Variants in IDE observed in about 807,000 individuals in gnomAD.
IDE encodes the protein insulin-degrading enzyme.
In IDE, 58 loss-of-function variants were observed where a neutral mutation model predicts 133.2. That is an observed-to-expected ratio of 0.44 (90% CI 0.35 to 0.54). The LOEUF (loss-of-function observed/expected upper bound fraction) is 0.54. Ranked by LOEUF, IDE falls within the 20% of genes least tolerant of loss-of-function variation. The pLI is 0.00. For missense variants in IDE, 981 were observed against 1,234.0 expected (o/e 0.79, Z 3.07); for synonymous variants, 396 against 421.3 (o/e 0.94, Z 0.73).
intron 1 of IDE, chr10:92,573,193 G>A (rs1843872601): frequency 1.0e-6 from 1 of 985,340 alleles, no homozygotes; most frequent in Non-Finnish European, 1.2e-6. Context: ...CAGTGGAGAG[G>A]GCACGCCGCC....
chr10:92,538,932 A>G (rs1198213689), intron 1 of IDE, among the ~76,000 whole-genome samples: 1 of 152,216 alleles, frequency 6.6e-6, no homozygotes, highest in Non-Finnish European at 1.5e-5. Flanking sequence ...AACTAAACAG[A>G]TCTGACTGTT....
At position 92,451,752 on chromosome 10, in the gene IDE, T is replaced by C. The variant is rs1030561610; in HGVS notation, c.*2692A>G. 3 of 152,220 alleles carry C rather than the reference T, an allele frequency of 2.0e-5. No homozygotes were observed. The highest frequency in any genetic ancestry group is 6.5e-5 in the Admixed American group (1 of 15,270). The allele number at this position is 152,220 out of a possible 1,614,324, so 9.4% of individuals were successfully genotyped here. A position where few individuals can be genotyped will look rare whatever the true frequency, so the allele number is the denominator to read the frequency against. On this transcript the variant is annotated 3_prime_UTR_variant, in exon 25 of 25. Coordinates refer to ENST00000265986, the MANE Select transcript of IDE (RefSeq NM_004969.4). ...AGGAACAAGCAGATTCCTCTTGAAA[T>C]GCCTGCCTGAGCCAACTGGCCACTA...
At chr10:92,489,678 T>C (rs955498386) in intron 12 of IDE, among the ~76,000 whole-genome samples, 1 of 152,210 alleles carries the variant, frequency 6.6e-6, no homozygotes, top group African/African-American at 2.4e-5. Flanking sequence ...ATGGACATTT[T>C]CACACACTGG....
chr10:92,554,355 A>T (rs1265670819), intron 1 of IDE, among the ~76,000 whole-genome samples: 1 of 151,974 alleles, frequency 6.6e-6, no homozygotes, highest in Non-Finnish European at 1.5e-5. Flanking sequence ...AGAGCTCAAG[A>T]CTAGCCTGGG....
chr10:92,471,326 A>G (rs1026794737), intron 17 of IDE, among the ~76,000 whole-genome samples: 1 of 152,220 alleles, frequency 6.6e-6, no homozygotes, highest in African/African-American at 2.4e-5. Context: ...AAGGAGAAAC[A>G]TGGGAATGCA....
chr10:92,534,481 T>C (rs936142621), intron 3 of IDE, 97 bp downstream of exon 3: 18 of 763,758 alleles, frequency 2.4e-5, no homozygotes, highest in Middle Eastern at 3.6e-4. Flanking sequence ...AAATACCTTT[T>C]GTTAAATTAT....
rs1326024872 is a variant in IDE at position 92,524,405 on chromosome 10, ATATATAT to A, written c.661+7336_661+7342del. On this transcript the variant is annotated intron_variant, in intron 4 of 24. Coordinates refer to ENST00000265986, the MANE Select transcript of IDE (RefSeq NM_004969.4). ...TATAATATATTTTATATAATATATA[ATATATAT>A]TATATTATATATAATATATTTTATA... is the stretch of plus-strand genomic sequence containing the variant. Among the ~76,000 whole-genome samples the A allele has an allele frequency of 5.1e-4, 45 of 88,284 alleles. 4 individuals are homozygous for A. Among genetic ancestry groups the A allele is most frequent in the Admixed American group, 1.2e-3 (6 of 4,824 alleles). 57.9% of individuals were successfully genotyped at this position (88,284 alleles called of 152,430 possible). A position where few individuals can be genotyped will look rare whatever the true frequency, so the allele number is the denominator to read the frequency against.
At chr10:92,536,840 C>T (rs1842034249) in intron 2 of IDE, among the ~76,000 whole-genome samples, 1 of 151,990 alleles carries the variant, frequency 6.6e-6, no homozygotes, top group South Asian at 2.1e-4. Flanking sequence ...GAGATCGAGA[C>T]CATCCTGGCC....
Position 92,534,747 on chromosome 10 carries a change from G to T in IDE, c.322C>A (p.His108Asn). Residue 108 changes from histidine to asparagine, a missense_variant, in exon 3 of 25, where the codon CAT becomes AAT. Physicochemically the swap from His to Asn is moderately conservative, Grantham distance 68. Around this residue, in one of 2 missense-constraint regions of IDE, gnomAD observed 321 missense variants for 339.3 expected, o/e 0.95. Transcript: ENST00000265986. The stretch of plus-strand genomic sequence containing the variant: ...AAAAAAAGCATATGTTCACAAAAAT[G>T]ACTTAAGCCAGCAATATTTGGAGGA... ...SDPPNIAGLS[H>N]FCEHMLFLGT... The T allele has an allele frequency of 6.2e-7, 1 of 1,613,708 alleles. No homozygotes were observed. The highest frequency in any genetic ancestry group is 1.1e-5 in the South Asian group (1 of 91,050).
chr10:92,538,235 T>C (rs1183037991), intron 1 of IDE, among the ~76,000 whole-genome samples: 3 of 152,174 alleles, frequency 2.0e-5, no homozygotes, highest in Non-Finnish European at 4.4e-5. Context: ...TGAGGTGAGA[T>C]GTTGTGTAAG....
At chr10:92,470,224 C>A in intron 18 of IDE, 30 bp downstream of exon 18, 1 of 1,449,314 alleles carries the variant, frequency 6.9e-7, no homozygotes, top group Non-Finnish European at 9.6e-7. Context: ...CAATGATCCA[C>A]AAAAGATTGC....
rs916130748 is a variant in IDE, at chr10:92,465,258, T to C, written c.2488+418A>G. On this transcript the variant is annotated intron_variant, in intron 20 of 24. Coordinates refer to ENST00000265986, the MANE Select transcript of IDE (RefSeq NM_004969.4). ...CAAGACTTTTAACAGTATCTAAAAC[T>C]GGGAACACTTGCTGTGCCTTCTGTA... Among the ~76,000 whole-genome samples the C allele has an allele frequency of 2.0e-5, 3 of 152,308 alleles. No homozygotes were observed. The East Asian group carries it at 5.8e-4, about 29-fold the overall frequency.
In IDE at chr10:92,531,734, A is replaced by G; in HGVS notation, c.661+14T>C. On this transcript the variant is annotated intron_variant, in intron 4 of 24. Transcript: ENST00000265986. ...GGGTTTAAATGAGGTCAAGGAAAGCAGCTGTTGACAAACCTGTCCCAAATT... is the reference window on the plus strand; with the variant it reads ...GGGTTTAAATGAGGTCAAGGAAAGCGGCTGTTGACAAACCTGTCCCAAATT... 1.9e-6 allele frequency: 3 copies of G among 1,546,240 alleles called. No individual in the cohort carries two copies. The highest frequency in any genetic ancestry group is 2.6e-6 in the Non-Finnish European group (3 of 1,139,632).
At chr10:92,549,566 T>C (rs1437340692) in intron 1 of IDE, among the ~76,000 whole-genome samples, 1 of 152,096 alleles carries the variant, frequency 6.6e-6, no homozygotes, top group African/African-American at 2.4e-5. Context: ...TACAGGAACC[T>C]TGTCCTAGAG....
At chr10:92,519,493 C>T (rs927228110) in intron 4 of IDE, among the ~76,000 whole-genome samples, 5 of 152,212 alleles carry the variant, frequency 3.3e-5, no homozygotes, top group South Asian at 2.1e-4. Flanking sequence ...TTCCACTCTA[C>T]GCCTGCTAGG....
chr10:92,526,720 C>A (rs1211734830), intron 4 of IDE, among the ~76,000 whole-genome samples: 1 of 151,708 alleles, frequency 6.6e-6, no homozygotes, highest in Non-Finnish European at 1.5e-5. Flanking sequence ...GTAGTGTGTG[C>A]GTGTAGTCTC....
At chr10:92,548,389 GAGTC>G (rs1257320904) in intron 1 of IDE, among the ~76,000 whole-genome samples, 3 of 81,734 alleles carry the variant, frequency 3.7e-5, no homozygotes, top group East Asian at 3.7e-4. Context: ...AAAAAAAAAA[GAGTC>G]AGATGAAATG....
chr10:92,523,022 C>T (rs1023966522), intron 4 of IDE, among the ~76,000 whole-genome samples: 5 of 152,076 alleles, frequency 3.3e-5, no homozygotes, highest in African/African-American at 4.8e-5. Context: ...TTTGCATTTT[C>T]TAATGCACTT....
intron 14 of IDE, among the ~76,000 whole-genome samples, chr10:92,481,849 G>A (rs1846632804): frequency 6.6e-6 from 1 of 152,180 alleles, no homozygotes; most frequent in African/African-American, 2.4e-5. Flanking sequence ...CTCTCAAAGG[G>A]TAGTCTAAAG....
Sources: gnomAD v4.1 joint callset for allele counts (sites outside exome capture counted in the v4.1 genomes callset) on GRCh38, gnomAD v4.1.1 for gene constraint, gnomAD v4.1.1 regional missense constraint, MANE v1.5 for transcripts, NCBI Gene and HGNC (gene_info 2026-07-23, HGNC 2026-07-21) for gene names.